The following SEPTIN11 variants were observed in gnomAD, a reference collection of about 807,000 sequenced individuals.
The protein encoded by SEPTIN11 is septin 11.
SEPTIN11 carries 25 observed loss-of-function variants against 51.4 expected under a neutral mutation model. The observed-to-expected ratio is 0.49, with a 90% CI of 0.35 to 0.68. SEPTIN11 has a LOEUF of 0.68. SEPTIN11 is among the 30% of genes least tolerant of loss of function. The pLI is 0.00. For synonymous variants in SEPTIN11, 174 were observed against 184.1 expected (o/e 0.95, Z 0.44); for missense variants, 381 against 520.8 (o/e 0.73, Z 2.61).
chr4:76,982,882 A>T (rs1443168284), intron 1 of SEPTIN11, among the ~76,000 whole-genome samples: 1 of 151,850 alleles, frequency 6.6e-6, no homozygotes, highest in Non-Finnish European at 1.5e-5. Flanking sequence ...CTAGTTTACC[A>T]TGCTTTTACT....
intron 2 of SEPTIN11, among the ~76,000 whole-genome samples, chr4:77,002,896 T>C (rs1025390072): frequency 1.3e-5 from 2 of 152,122 alleles, no homozygotes; most frequent in Admixed American, 6.5e-5. Context: ...AGTGTCAGTG[T>C]CTGTTTTTAT....
intron 7 of SEPTIN11, among the ~76,000 whole-genome samples, chr4:77,028,411 C>T (rs940128242): frequency 6.6e-6 from 1 of 152,184 alleles, no homozygotes; most frequent in Admixed American, 6.5e-5. Flanking sequence ...ACCTTTAGTG[C>T]TGTGTTGTGC....
intron 7 of SEPTIN11, 66 bp downstream of exon 7, chr4:77,020,736 C>T (rs1725661827): frequency 6.9e-7 from 1 of 1,454,456 alleles, no homozygotes; most frequent in Middle Eastern, 1.8e-4. Context: ...TGGTACATCA[C>T]AGAAATGCTT....
At chr4:77,023,267 T>TACACAC (rs1346439491) in intron 7 of SEPTIN11, among the ~76,000 whole-genome samples, 1 of 98,770 alleles carries the variant, frequency 1.0e-5, no homozygotes, top group Non-Finnish European at 1.9e-5. Flanking sequence ...AGGGAAAATG[T>TACACAC]ATACACACAC....
chr4:76,995,989 G>A, intron 1 of SEPTIN11: 1 of 1,490,568 alleles, frequency 6.7e-7, no homozygotes, highest in African/African-American at 1.4e-5. Context: ...TCCACTGTGA[G>A]CTTTTCAAAG....
At chr4:77,031,221 G>T (rs140908685) in intron 9 of SEPTIN11, 4,511 of 410,978 alleles carry the variant, frequency 0.011, 36 homozygotes, top group Non-Finnish European at 0.014. Flanking sequence ...GTCTCCAGTA[G>T]CATCTTCCAC....
intron 3 of SEPTIN11, among the ~76,000 whole-genome samples, chr4:77,007,176 G>C (rs1196658557): frequency 6.6e-6 from 1 of 152,178 alleles, no homozygotes; most frequent in Non-Finnish European, 1.5e-5. Context: ...GAAGAGAAAG[G>C]CCTGGTCATA....
chr4:76,980,265 G>A (rs2645671), intron 1 of SEPTIN11, among the ~76,000 whole-genome samples: 9,107 of 152,226 alleles, frequency 0.06, 513 homozygotes, highest in African/African-American at 0.14. Context: ...ATTTATTGGT[G>A]CTCTGTTCTC....
chr4:77,020,613 G>T lies in SEPTIN11; in HGVS notation c.896G>T (p.Arg299Leu). The change falls in exon 7 of 10, where the codon CGC becomes CTC. Residue 299 changes from arginine (R) to leucine (L), a missense_variant. Physicochemically the swap from Arg to Leu is moderately radical, Grantham distance 102. Around this residue, in one of 2 missense-constraint regions of SEPTIN11, gnomAD observed 197 missense variants for 313.1 expected, o/e 0.63. Transcript: ENST00000264893. ...ACCCGCCACTATGAATTGTACCGAC[G>T]CTGTAAGCTTGAAGAGATGGGGTTC... is the stretch of plus-strand genomic sequence containing the variant. ...THTRHYELYRRCKLEEMGFKD... is the reference protein window; with the variant it reads ...THTRHYELYRLCKLEEMGFKD... 1 of 1,614,048 alleles carries T rather than the reference G, an allele frequency of 6.2e-7. No homozygotes were observed. The highest frequency in any genetic ancestry group is 1.1e-5 in the South Asian group (1 of 91,068).
chr4:77,026,054 A>G (rs1480711314), intron 7 of SEPTIN11, among the ~76,000 whole-genome samples: 1 of 152,196 alleles, frequency 6.6e-6, no homozygotes, highest in East Asian at 1.9e-4. Flanking sequence ...TTTGTGTAGT[A>G]ATGCCTACTC....
chr4:76,957,795 A>G (rs1014241800), intron 1 of SEPTIN11, among the ~76,000 whole-genome samples: 2 of 152,004 alleles, frequency 1.3e-5, no homozygotes, highest in African/African-American at 2.4e-5. Context: ...CCACCCATGA[A>G]TCACCAAAAT....
intron 1 of SEPTIN11, among the ~76,000 whole-genome samples, chr4:76,977,759 T>C (rs1322925392): frequency 6.6e-6 from 1 of 150,964 alleles, no homozygotes; most frequent in Non-Finnish European, 1.5e-5. Context: ...ATTAAGTTGA[T>C]AAAATGGCTT....
downstream of SEPTIN11, chr4:77,038,626 CT>C: frequency 1.0e-6 from 1 of 994,778 alleles, no homozygotes; most frequent in African/African-American, 1.7e-5. Flanking sequence ...TTTGTGTGCC[CT>C]TTTTTGTGAG....
At chr4:77,005,571 T>A (rs200909237) in intron 2 of SEPTIN11, 30 bp from the exon 3 acceptor site, 2 of 1,583,056 alleles carry the variant, frequency 1.3e-6, no homozygotes, top group African/African-American at 2.7e-5. Context: ...CATTGACACA[T>A]TCTCTGATTT....
At chr4:77,006,215 T>A (rs1045673247) in intron 3 of SEPTIN11, among the ~76,000 whole-genome samples, 3 of 152,114 alleles carry the variant, frequency 2.0e-5, no homozygotes, top group Non-Finnish European at 4.4e-5. Context: ...AGGGGAGGTC[T>A]CTAGAAGCTC....
intron 2 of SEPTIN11, among the ~76,000 whole-genome samples, chr4:76,996,781 C>T (rs961311790): frequency 1.3e-5 from 2 of 152,138 alleles, no homozygotes; most frequent in African/African-American, 4.8e-5. Context: ...TTCTGTCACA[C>T]AGTTAAGCAA....
chr4:77,018,317 C>A (rs561881290), intron 5 of SEPTIN11, among the ~76,000 whole-genome samples: 1 of 152,150 alleles, frequency 6.6e-6, no homozygotes, highest in East Asian at 1.9e-4. Context: ...GGCATGGTGG[C>A]CGGTGCCTGT....
chr4:76,998,124 C>G (rs1433917899), intron 2 of SEPTIN11, among the ~76,000 whole-genome samples: 1 of 152,074 alleles, frequency 6.6e-6, no homozygotes, highest in Admixed American at 6.5e-5. Context: ...TGTAAAGCAG[C>G]CCTATTTGGA....
Position 77,019,218 on chromosome 4 carries a change from C to T in SEPTIN11, c.741C>T (p.Asn247=). 1 of 1,613,674 alleles carries T rather than the reference C, an allele frequency of 6.2e-7. No homozygotes were observed. Among genetic ancestry groups the T allele is most frequent in the Middle Eastern group, 1.7e-4 (1 of 6,060 alleles). Reference sequence around the variant, plus strand: ...GCACCGAAGAGGTGAAGATTGGCAACAAGATGGCAAAGGCCAGGCAGTACC... The same window carrying T: ...GCACCGAAGAGGTGAAGATTGGCAATAAGATGGCAAAGGCCAGGCAGTACC... ...VGSTEEVKIG[N]KMAKARQYPW... The change falls in exon 6 of 10, where the codon AAC becomes AAT. Residue 247 remains asparagine, a synonymous_variant. Transcript: ENST00000264893.
Sources: allele counts gnomAD v4.1 joint callset (sites outside exome capture counted in the v4.1 genomes callset), GRCh38; gene constraint gnomAD v4.1.1; regional missense constraint gnomAD v4.1.1; transcripts MANE v1.5; gene names NCBI Gene and HGNC (gene_info 2026-07-23, HGNC 2026-07-21).